Variants in XPO7 observed in about 807,000 individuals in gnomAD.
XPO7 encodes the protein exportin 7.
In XPO7, 21 loss-of-function variants were observed where a neutral mutation model predicts 144.3. The ratio of observed to expected loss-of-function variants is 0.15; its 90% CI spans 0.10 to 0.21. XPO7 has a LOEUF of 0.21. XPO7 is among the 10% of genes least tolerant of loss of function. The pLI is 1.00. For synonymous variants in XPO7, 580 were observed against 499.6 expected, an observed-to-expected ratio of 1.16 and a Z score of -2.15; for missense variants, 808 against 1,325.8, an observed-to-expected ratio of 0.61 and a Z score of 6.06.
At chr8:21,921,051 G>A (rs1458053897) in intron 1 of XPO7, among the ~76,000 whole-genome samples, 1 of 152,110 alleles carries the variant, frequency 6.6e-6, no homozygotes, top group African/African-American at 2.4e-5. Flanking sequence ...AGCAAGAAAC[G>A]TAATCACAGG....
chr8:21,967,643 CT>C (rs1811929060), intron 2 of XPO7, among the ~76,000 whole-genome samples: 1 of 152,004 alleles, frequency 6.6e-6, no homozygotes, highest in South Asian at 2.1e-4. Flanking sequence ...AATAAATGAC[CT>C]TTTTAATCCA....
intron 4 of XPO7, among the ~76,000 whole-genome samples, chr8:21,971,221 A>G (rs1230657469): frequency 3.9e-5 from 6 of 152,188 alleles, no homozygotes; most frequent in Non-Finnish European, 8.8e-5. Flanking sequence ...TTATGTAAGT[A>G]CACTCTATGA....
chr8:21,974,370 T>C (rs1300391194), intron 5 of XPO7, among the ~76,000 whole-genome samples: 1 of 152,038 alleles, frequency 6.6e-6, no homozygotes, highest in Non-Finnish European at 1.5e-5. Flanking sequence ...ATCAGTAACG[T>C]CTGCCAACAA....
chr8:21,991,820 TTTGAATTC>T, intron 18 of XPO7, 40 bp from the exon 19 acceptor site: 2 of 1,487,566 alleles, frequency 1.3e-6, no homozygotes, highest in Non-Finnish European at 1.8e-6. Flanking sequence ...TATGCACAGC[TTTGAATTC>T]TTGGTATTGG....
chr8:21,986,707 C>T (rs1002093704), intron 13 of XPO7, among the ~76,000 whole-genome samples: 1 of 152,178 alleles, frequency 6.6e-6, no homozygotes, highest in African/African-American at 2.4e-5. Context: ...CAGATTGGTT[C>T]TGAGCTTGAG....
chr8:21,990,431 C>T (rs765396066), intron 17 of XPO7, 24 bp downstream of exon 17: 17 of 1,612,494 alleles, frequency 1.1e-5, no homozygotes, highest in East Asian at 4.5e-5. Flanking sequence ...GCTTTTTTTC[C>T]TGGCCCTCCT....
intron 19 of XPO7, among the ~76,000 whole-genome samples, chr8:21,993,886 C>A (rs960625106): frequency 1.3e-5 from 2 of 151,458 alleles, no homozygotes; most frequent in Non-Finnish European, 2.9e-5. Context: ...TTGCTTTTTT[C>A]TGGCTTTTTG....
chr8:21,971,950 T>TA lies in XPO7; in HGVS notation c.492+10dup. Reference sequence around the variant, plus strand: ...CCAATGAAATTAATCAAGTAAGTGCTACAGCCTTCCTCATTGAAGTAAGTG... The same window carrying TA: ...CCAATGAAATTAATCAAGTAAGTGCTAACAGCCTTCCTCATTGAAGTAAGTG... On this transcript the variant is annotated intron_variant, in intron 5 of 27. Transcript: ENST00000252512. The TA allele has an allele frequency of 6.2e-7, 1 of 1,612,726 alleles. No individual in the cohort carries two copies. The highest frequency in any genetic ancestry group is 2.2e-5 in the East Asian group (1 of 44,878).
At chr8:21,923,729 A>G (rs1179958375) in intron 1 of XPO7, among the ~76,000 whole-genome samples, 2 of 152,212 alleles carry the variant, frequency 1.3e-5, no homozygotes, top group East Asian at 1.9e-4. Flanking sequence ...ATTAGCTTCC[A>G]TTTGACCCAG....
At chr8:21,936,680 A>G (rs1810832316) in intron 1 of XPO7, among the ~76,000 whole-genome samples, 1 of 152,188 alleles carries the variant, frequency 6.6e-6, no homozygotes, top group African/African-American at 2.4e-5. Flanking sequence ...TTAGCATACT[A>G]AAGACTCTTA....
At chr8:21,953,301 C>T (rs1811431922) in intron 1 of XPO7, among the ~76,000 whole-genome samples, 1 of 152,162 alleles carries the variant, frequency 6.6e-6, no homozygotes, top group Non-Finnish European at 1.5e-5. Flanking sequence ...CTCCTGGCAA[C>T]CACTGCTCTT....
intron 1 of XPO7, among the ~76,000 whole-genome samples, chr8:21,937,228 C>T (rs546842337): frequency 8.5e-5 from 13 of 152,136 alleles, no homozygotes; most frequent in East Asian, 3.9e-4. Context: ...TCATATTAGT[C>T]GAATAAATGA....
chr8:21,983,588 C>CT (rs1172997149), intron 11 of XPO7, among the ~76,000 whole-genome samples: 1 of 152,222 alleles, frequency 6.6e-6, no homozygotes, highest in African/African-American at 2.4e-5. Context: ...AGCAAGCCTT[C>CT]TTCTGTCACC....
intron 1 of XPO7, among the ~76,000 whole-genome samples, chr8:21,931,030 G>T (rs1810628609): frequency 6.6e-6 from 1 of 151,998 alleles, no homozygotes. Context: ...TTTTGGTAGA[G>T]ACAGGGTTTC....
chr8:21,989,821 CTTTTTTTTTT>C (rs1170364778), intron 16 of XPO7, among the ~76,000 whole-genome samples: 2 of 59,674 alleles, frequency 3.4e-5, no homozygotes, highest in African/African-American at 9.7e-5. Context: ...TAGGTGTTTC[CTTTTTTTTTT>C]TTTTTTTTTT....
At chr8:21,988,370 A>G in intron 15 of XPO7, 1 of 155,774 alleles carries the variant, frequency 6.4e-6, no homozygotes, top group Middle Eastern at 3.4e-3. Context: ...TGGAGCTCCT[A>G]ATTGGCCCTT....
intron 2 of XPO7, among the ~76,000 whole-genome samples, chr8:21,969,181 A>G (rs73672333): frequency 0.026 from 4,027 of 152,210 alleles, 194 homozygotes; most frequent in African/African-American, 0.093. Flanking sequence ...TCTAATCTCT[A>G]TTTTTCTGAA....
intron 20 of XPO7, among the ~76,000 whole-genome samples, chr8:21,995,188 G>A (rs1402918649): frequency 6.6e-6 from 1 of 152,102 alleles, no homozygotes; most frequent in East Asian, 1.9e-4. Context: ...TAAAGGAAAT[G>A]AGCTGATCCC....
intron 13 of XPO7, among the ~76,000 whole-genome samples, chr8:21,986,444 C>T (rs542150358): frequency 7.2e-5 from 11 of 152,262 alleles, no homozygotes; most frequent in African/African-American, 1.2e-4. Context: ...TGAGCCACCG[C>T]GCCCCGCCTT....
Sources: gnomAD v4.1 joint callset for allele counts (sites outside exome capture counted in the v4.1 genomes callset) on GRCh38, gnomAD v4.1.1 for gene constraint, MANE v1.5 for transcripts, NCBI Gene and HGNC (gene_info 2026-07-23, HGNC 2026-07-21) for gene names.